PPP2R3B: variants seen among roughly 807,000 people sequenced by gnomAD.
PPP2R3B encodes the protein protein phosphatase 2 regulatory subunit B''beta.
Under a neutral mutation model 72.9 loss-of-function variants are expected in PPP2R3B, and 68 were observed. That is an observed-to-expected ratio of 0.93 (90% confidence interval 0.77 to 1.14). The LOEUF is 1.14. Among genes scored for constraint, PPP2R3B ranks in the 50% most tolerant of loss-of-function variants. The pLI, the probability that PPP2R3B is intolerant of heterozygous loss-of-function variation, is 0.00. For missense variants in PPP2R3B, 1,018 were observed against 842.0 expected (o/e 1.21, Z -2.59); for synonymous variants, 466 against 375.8 (o/e 1.24, Z -2.78).
intron 2 of PPP2R3B, among the ~76,000 whole-genome samples, chrX:350,438 C>G (rs28613845): frequency 6.6e-6 from 1 of 152,192 alleles, no homozygotes; most frequent in Non-Finnish European, 1.5e-5. Context: ...AACACCATGA[C>G]AGGACATGAC....
chrX:386,051 C>A (rs2072240911), intron 1 of PPP2R3B, among the ~76,000 whole-genome samples: 1 of 152,184 alleles, frequency 6.6e-6, no homozygotes, highest in Non-Finnish European at 1.5e-5. Flanking sequence ...CATCGTACTC[C>A]AGCCTGGGCA....
In PPP2R3B at chrX:346,154, G is replaced by T; in HGVS notation, c.879+20C>A. The T allele has an allele frequency of 1.3e-6, 2 of 1,485,048 alleles. No individual in the cohort carries two copies. Among genetic ancestry groups the T allele is most frequent in the Non-Finnish European group, 1.8e-6 (2 of 1,109,664 alleles). 92.0% of individuals were successfully genotyped at this position (1,485,048 alleles called of 1,614,324 possible). ...GGTAGGGACAAGGCAGGGGGCAGGG[G>T]ACAGGGGGCCGCTCCGCACCTGCAG... On this transcript the variant is annotated intron_variant, in intron 6 of 12. Coordinates refer to ENST00000390665, the MANE Select transcript of PPP2R3B (RefSeq NM_013239.5).
chrX:346,120 G>T lies in PPP2R3B; in HGVS notation c.879+54C>A. On this transcript the variant is annotated intron_variant, in intron 6 of 12. Transcript: ENST00000390665. Reference sequence around the variant, plus strand: ...GGAGGAGGGAAGGGAAGGGAGTGGAGGTAGGAGGGGTAGGGACAAGGCAGG... The same window carrying T: ...GGAGGAGGGAAGGGAAGGGAGTGGATGTAGGAGGGGTAGGGACAAGGCAGG... The T allele has an allele frequency of 5.2e-6, 7 of 1,335,468 alleles. No homozygotes were observed. In the South Asian group the frequency reaches 7.6e-5, roughly 15 times the overall value. The allele number at this position is 1,335,468 out of a possible 1,614,324, so 82.7% of individuals were successfully genotyped here.
intron 5 of PPP2R3B, 22 bp downstream of exon 5, chrX:346,679 G>C: frequency 1.3e-6 from 2 of 1,595,968 alleles, no homozygotes; most frequent in Non-Finnish European, 1.7e-6. Context: ...TGGAACCGAC[G>C]GCCCCTCCGC....
rs370460524 is a variant in PPP2R3B at position 386,604 on chromosome X, G to A, written c.88C>T (p.Arg30Trp). Residue 30 changes from arginine to tryptophan, a missense_variant, in exon 1 of 13, where the codon CGG becomes TGG. Coordinates refer to ENST00000390665, the MANE Select transcript of PPP2R3B (RefSeq NM_013239.5). ...CGGCGCAGGCAGTCCTGCAGCATCC[G>A]CTGCGTGCTGGCCTCGCTGAGCCAG... ...LYWLSEASTQ[R>W]MLQDCLRRIK... is the part of the protein sequence containing the mutation. 1.3e-5 allele frequency: 19 copies of A among 1,448,314 alleles called. No homozygotes were observed. Among genetic ancestry groups the A allele is most frequent in the Non-Finnish European group, 1.6e-5 (18 of 1,101,384 alleles). The allele number at this position is 1,448,314 out of a possible 1,614,324, so 89.7% of individuals were successfully genotyped here.
chrX:362,898 C>T (rs1421946649), intron 1 of PPP2R3B, among the ~76,000 whole-genome samples: 1 of 151,388 alleles, frequency 6.6e-6, no homozygotes, highest in East Asian at 1.9e-4. Flanking sequence ...CACAAGGGTC[C>T]CACAGCGCCC....
chrX:340,441 CTG>C (rs1351619063), intron 10 of PPP2R3B, among the ~76,000 whole-genome samples: 1 of 150,044 alleles, frequency 6.7e-6, no homozygotes, highest in African/African-American at 2.5e-5. Context: ...TCCCCTCACC[CTG>C]GTCCGTCCCC....
intron 2 of PPP2R3B, chrX:359,886 C>G (rs369810993): frequency 1.2e-5 from 6 of 504,456 alleles, no homozygotes; most frequent in Non-Finnish European, 2.0e-5. Context: ...CCTGGACTTA[C>G]CTGAATGTGT....
In PPP2R3B at chrX:346,228, C is replaced by A; in HGVS notation, c.825G>T (p.Arg275=). 1 of 1,573,006 alleles carries A rather than the reference C, an allele frequency of 6.4e-7. No homozygotes were observed. Among genetic ancestry groups the A allele is most frequent in the Non-Finnish European group, 8.6e-7 (1 of 1,161,018 alleles). ...VIQRIFYAVN[R]SWSGRITCAE... is the part of the protein sequence containing the mutation. ...CGCAGGTGATCCTGCCGGACCAGGA[C>A]CGGTTCACGGCGTAGAAGATCCGCT... The change falls in exon 6 of 13, where the codon CGG becomes CGT. Residue 275 remains arginine (R), a synonymous_variant. Coordinates refer to ENST00000390665, the MANE Select transcript of PPP2R3B (RefSeq NM_013239.5).
chrX:364,521 C>A (rs866730062), intron 1 of PPP2R3B, among the ~76,000 whole-genome samples: 7,384 of 86,084 alleles, frequency 0.086, 593 homozygotes, highest in Admixed American at 0.1. Context: ...AAAAAAAAAA[C>A]AAAAAAAAAA....
In PPP2R3B at chrX:347,353, A is replaced by C. The variant is rs2124639156; in HGVS notation, c.615-17T>G. ...TGGAGGATTCTGGAAGGACAGGATGACTGGGCACCACCCTCACAGGGGGGT... is the reference window on the plus strand; with the variant it reads ...TGGAGGATTCTGGAAGGACAGGATGCCTGGGCACCACCCTCACAGGGGGGT... On this transcript the variant is annotated splice_polypyrimidine_tract_variant and intron_variant, in intron 3 of 12. Transcript: ENST00000390665. 6.2e-7 allele frequency: 1 copy of C among 1,611,228 alleles called. No homozygotes were observed. The highest frequency in any genetic ancestry group is 2.2e-5 in the East Asian group (1 of 44,838).
At chrX:338,948 G>A in intron 10 of PPP2R3B, 52 bp from the exon 11 acceptor site, 2 of 1,501,646 alleles carry the variant, frequency 1.3e-6, no homozygotes, top group East Asian at 2.3e-5. Context: ...TCACCTTCGG[G>A]GCCTGGGTGT....
intron 1 of PPP2R3B, among the ~76,000 whole-genome samples, chrX:371,673 AC>A: frequency 6.6e-6 from 1 of 151,980 alleles, no homozygotes; most frequent in East Asian, 1.9e-4. Flanking sequence ...GAGGTGCGGC[AC>A]CCCAACACGT....
Position 347,645 on chromosome X carries a change from C to T in PPP2R3B, c.559G>A (p.Gly187Ser), listed in dbSNP as rs780469437. The change falls in exon 3 of 13, where the codon GGC becomes AGC. Residue 187 changes from glycine (G) to serine (S), a missense_variant. Gly to Ser is a moderately conservative substitution (Grantham distance 56). Transcript: ENST00000390665. ...YWKGPLFYGA[G>S]GERTGSVSVH... ...GACACGGAGCCCGTGCGCTCCCCGC[C>T]GGCGCCATAGAAGAGCGGCCCCTTC... The T allele has an allele frequency of 9.5e-6, 15 of 1,574,174 alleles. No homozygotes were observed. The highest frequency in any genetic ancestry group is 4.2e-4 in the Middle Eastern group (2 of 4,778).
chrX:341,514 GC>G (rs1327692733), intron 8 of PPP2R3B, 118 bp from the exon 9 acceptor site: 5 of 1,055,066 alleles, frequency 4.7e-6, no homozygotes. Flanking sequence ...CCCTCCTCCT[GC>G]CCCCCTCCTG....
intron 8 of PPP2R3B, 111 bp from the exon 9 acceptor site, chrX:341,507 T>TCCTCCTGCCCCCCTCCTGCCCC (rs775033622): frequency 6.0e-5 from 62 of 1,033,968 alleles, no homozygotes; most frequent in African/African-American, 7.8e-5. Flanking sequence ...GGCCCGGCCC[T>TCCTCCTGCCCCCCTCCTGCCCC]CCTCCTGCCC....
intron 1 of PPP2R3B, among the ~76,000 whole-genome samples, chrX:367,867 A>G (rs1220870437): frequency 6.6e-6 from 1 of 152,196 alleles, no homozygotes; most frequent in Non-Finnish European, 1.5e-5. Flanking sequence ...AGATGGAAAA[A>G]GAGCAGGCAG....
At chrX:367,429 C>CTTT (rs113231924) in intron 1 of PPP2R3B, among the ~76,000 whole-genome samples, 33,054 of 148,978 alleles carry the variant, frequency 0.22, 3,954 homozygotes, top group Non-Finnish European at 0.28. Flanking sequence ...GTCGACGTTC[C>CTTT]TTTTTTTTTT....
intron 7 of PPP2R3B, 138 bp from the exon 8 acceptor site, chrX:342,069 G>A (rs190194981): frequency 5.9e-5 from 58 of 990,640 alleles, no homozygotes; most frequent in East Asian, 4.5e-4. Context: ...CCGGGGCCCC[G>A]ATGCCCCTGC....
Sources: gnomAD v4.1 joint callset for allele counts (sites outside exome capture counted in the v4.1 genomes callset) on GRCh38, gnomAD v4.1.1 for gene constraint, MANE v1.5 for transcripts, NCBI Gene and HGNC (gene_info 2026-07-23, HGNC 2026-07-21) for gene names.